PRKACA: variants seen among roughly 807,000 people sequenced by gnomAD.
PRKACA encodes the protein cAMP-dependent protein kinase catalytic subunit alpha.
PRKACA carries 9 observed loss-of-function variants against 45.8 expected under a neutral mutation model. The ratio of observed to expected loss-of-function variants is 0.20; its 90% CI spans 0.12 to 0.34. The LOEUF is 0.34. Among genes scored for constraint, PRKACA ranks in the 10% least tolerant of loss-of-function variants. The pLI is 1.00. For synonymous variants in PRKACA, 160 were observed against 178.6 expected, an observed-to-expected ratio of 0.90 and a Z score of 0.83; for missense variants, 238 against 458.6, an observed-to-expected ratio of 0.52 and a Z score of 4.39.
chr19:14,108,734 A>ATTATTATTTTTTTTT (rs1568536660), intron 1 of PRKACA, among the ~76,000 whole-genome samples: 1 of 131,648 alleles, frequency 7.6e-6, no homozygotes, highest in African/African-American at 2.8e-5. Context: ...AATTATTATT[A>ATTATTATTTTTTTTT]TTTTTTTTTT....
chr19:14,115,059 G>A (rs1967080348), intron 1 of PRKACA: 5 of 984,676 alleles, frequency 5.1e-6, no homozygotes, highest in Non-Finnish European at 6.0e-6. Context: ...GAATCAGAGC[G>A]CCTCAAAGCA....
rs1977158549 is a variant in PRKACA at position 14,093,614 on chromosome 19, G to A, written c.930+14C>T. On this transcript the variant is annotated intron_variant, in intron 9 of 9. Transcript: ENST00000308677. ...CTCCCAAACCCTCAGCAGGCTTAAGGAGGGGAGGCCCACCTTCCTCTGGTA... is the reference window on the plus strand; with the variant it reads ...CTCCCAAACCCTCAGCAGGCTTAAGAAGGGGAGGCCCACCTTCCTCTGGTA... The A allele has an allele frequency of 8.7e-6, 14 of 1,610,394 alleles. No homozygotes were observed. The highest frequency in any genetic ancestry group is 1.7e-5 in the Admixed American group (1 of 59,608).
At chr19:14,098,148 T>C (rs1977320559) in intron 5 of PRKACA, 2 of 425,516 alleles carry the variant, frequency 4.7e-6, no homozygotes, top group Non-Finnish European at 8.6e-6. Flanking sequence ...AGCCCATGCA[T>C]CCACTCAACA....
chr19:14,116,794 G>T (rs1470074292), intron 1 of PRKACA, among the ~76,000 whole-genome samples: 1 of 152,070 alleles, frequency 6.6e-6, no homozygotes, highest in African/African-American at 2.4e-5. Flanking sequence ...AGGGACAGAC[G>T]CTTGCTTGGA....
At chr19:14,108,043 C>T (rs951569633) in intron 1 of PRKACA, 2 of 985,802 alleles carry the variant, frequency 2.0e-6, no homozygotes, top group African/African-American at 1.7e-5. Context: ...GCTGTCTACA[C>T]TGTCTCATCT....
intron 4 of PRKACA, among the ~76,000 whole-genome samples, chr19:14,102,327 G>A (rs1977468685): frequency 6.6e-6 from 1 of 152,090 alleles, no homozygotes; most frequent in Admixed American, 6.6e-5. Flanking sequence ...AGCTTTGGAT[G>A]GCACCCAAAA....
In PRKACA at chr19:14,091,764, C is replaced by A. The variant is rs1350792810; in HGVS notation, c.*1348G>T. 6.6e-6 allele frequency: 1 copy of A among 152,542 alleles called. No individual in the cohort carries two copies. The highest frequency in any genetic ancestry group is 2.4e-5 in the African/African-American group (1 of 41,434). 9.4% of individuals were successfully genotyped at this position (152,542 alleles called of 1,614,324 possible). Reference sequence around the variant, plus strand: ...CAGCACACTGTTCAAGAGGAAGTCTCGTCCTTCGCAGCACACAGGTTGAAT... The same window carrying A: ...CAGCACACTGTTCAAGAGGAAGTCTAGTCCTTCGCAGCACACAGGTTGAAT... On this transcript the variant is annotated 3_prime_UTR_variant, in exon 10 of 10. Transcript: ENST00000308677.
chr19:14,115,539 A>C (rs1967089040), intron 1 of PRKACA, among the ~76,000 whole-genome samples: 1 of 152,084 alleles, frequency 6.6e-6, no homozygotes, highest in Non-Finnish European at 1.5e-5. Flanking sequence ...TATGAAAGTC[A>C]CCAGAGTAGG....
intron 4 of PRKACA, 107 bp from the exon 5 acceptor site, chr19:14,101,015 G>C: frequency 3.2e-6 from 3 of 925,566 alleles, no homozygotes; most frequent in Admixed American, 3.8e-5. Context: ...TGACAACAGC[G>C]ATCCTGGCTC....
intron 4 of PRKACA, among the ~76,000 whole-genome samples, chr19:14,101,586 G>A (rs898462009): frequency 1.3e-5 from 2 of 150,802 alleles, no homozygotes; most frequent in Non-Finnish European, 3.0e-5. Flanking sequence ...CAAAATGGCC[G>A]GGCACGGCTC....
chr19:14,093,302 T>C (rs993164015), intron 9 of PRKACA, 65 bp from the exon 10 acceptor site: 8 of 1,568,750 alleles, frequency 5.1e-6, no homozygotes, highest in Non-Finnish European at 7.0e-6. Flanking sequence ...CAACAATAAA[T>C]GCGAATGGCC....
rs376348726 is a variant in PRKACA at position 14,117,753 on chromosome 19, C to A, written c.-206G>T. ...GGGAACCTCAGCCCAAGATCTCTGC[C>A]GCTGTCTGTGACGCCCCCGCAGCCC... On this transcript the variant is annotated 5_prime_UTR_variant, in exon 1 of 10. Transcript: ENST00000308677. The A allele has an allele frequency of 6.2e-4, 100 of 161,452 alleles. No homozygotes were observed. The highest frequency in any genetic ancestry group is 2.2e-3 in the African/African-American group (90 of 41,700). 10.0% of individuals were successfully genotyped at this position (161,452 alleles called of 1,614,324 possible). A position where few individuals can be genotyped will look rare whatever the true frequency, so the allele number is the denominator to read the frequency against.
chr19:14,111,135 C>A (rs960253678), intron 1 of PRKACA, among the ~76,000 whole-genome samples: 4 of 152,184 alleles, frequency 2.6e-5, no homozygotes, highest in African/African-American at 9.6e-5. Context: ...CAGTGGCTCA[C>A]GCCTGTAATC....
chr19:14,103,045 C>T, intron 3 of PRKACA, 131 bp from the exon 4 acceptor site: 1 of 725,768 alleles, frequency 1.4e-6, no homozygotes, highest in Non-Finnish European at 2.5e-6. Context: ...GTGCCTGTGG[C>T]CTGTCGGGCC....
intron 1 of PRKACA, among the ~76,000 whole-genome samples, chr19:14,109,965 AATATATATATATATATATATATAT>A (rs1188333013): frequency 2.5e-4 from 6 of 23,772 alleles, no homozygotes; most frequent in African/African-American, 1.1e-4. Flanking sequence ...AAAAAAAAAA[AATATATATATATATATATATATAT>A]ATATATATAT....
chr19:14,108,174 G>C, intron 1 of PRKACA: 1 of 985,198 alleles, frequency 1.0e-6, no homozygotes, highest in African/African-American at 1.7e-5. Flanking sequence ...TAAGGGCCAG[G>C]ACTTGGGGTC....
intron 5 of PRKACA, among the ~76,000 whole-genome samples, chr19:14,099,488 T>A (rs1485809470): frequency 6.6e-6 from 1 of 151,482 alleles, no homozygotes; most frequent in African/African-American, 2.4e-5. Context: ...ATCCTAGGGA[T>A]GAAGGTGGGC....
intron 1 of PRKACA, chr19:14,112,342 C>T (rs1966990087): frequency 6.6e-6 from 1 of 152,538 alleles, no homozygotes; most frequent in Non-Finnish European, 1.5e-5. Context: ...CTGGCTGTGG[C>T]TTAGGCCCCC....
chr19:14,116,410 C>G (rs1280855373), intron 1 of PRKACA, among the ~76,000 whole-genome samples: 1 of 152,168 alleles, frequency 6.6e-6, no homozygotes, highest in African/African-American at 2.4e-5. Context: ...GACGTCAAAG[C>G]AAATCACTAG....
Sources: gnomAD v4.1 joint callset for allele counts (sites outside exome capture counted in the v4.1 genomes callset) on GRCh38, gnomAD v4.1.1 for gene constraint, MANE v1.5 for transcripts, NCBI Gene and HGNC (gene_info 2026-07-23, HGNC 2026-07-21) for gene names.